PRKCE: variants seen among roughly 807,000 people sequenced by gnomAD.
PRKCE encodes the protein protein kinase C epsilon.
PRKCE carries 16 observed loss-of-function variants against 85.4 expected under a neutral mutation model. That is an observed-to-expected ratio of 0.19 (90% CI 0.13 to 0.28). The LOEUF (loss-of-function observed/expected upper bound fraction) is 0.28, where lower values mean the gene tolerates loss of function less well. Ranked by LOEUF, PRKCE falls within the 10% of genes least tolerant of loss-of-function variation. PRKCE has a pLI of 1.00. For synonymous variants in PRKCE, 388 were observed against 371.5 expected, an observed-to-expected ratio of 1.04 and a Z score of -0.51; for missense variants, 573 against 975.2, an observed-to-expected ratio of 0.59 and a Z score of 5.49.
chr2:46,061,211 G>A (rs1397274788), intron 10 of PRKCE, among the ~76,000 whole-genome samples: 1 of 149,968 alleles, frequency 6.7e-6, no homozygotes, highest in Non-Finnish European at 1.5e-5. Flanking sequence ...CCAGGCTCAG[G>A]TGATTCACCC....
At chr2:45,830,152 G>T (rs1425880344) in intron 1 of PRKCE, among the ~76,000 whole-genome samples, 2 of 151,564 alleles carry the variant, frequency 1.3e-5, no homozygotes, top group East Asian at 3.9e-4. Context: ...AACTAGCAAA[G>T]CATTGTGGGT....
intron 1 of PRKCE, among the ~76,000 whole-genome samples, chr2:45,741,129 G>A (rs912495110): frequency 1.3e-5 from 2 of 152,168 alleles, no homozygotes; most frequent in Non-Finnish European, 2.9e-5. Flanking sequence ...CTGGCTTCGG[G>A]GATCCCAAAT....
intron 11 of PRKCE, among the ~76,000 whole-genome samples, chr2:46,126,558 G>C (rs1379768292): frequency 1.3e-5 from 2 of 152,174 alleles, no homozygotes; most frequent in African/African-American, 4.8e-5. Flanking sequence ...AAGCCTGAAA[G>C]TGAACACTTA....
chr2:45,790,266 C>G (rs932905034), intron 1 of PRKCE, among the ~76,000 whole-genome samples: 9 of 152,180 alleles, frequency 5.9e-5, no homozygotes, highest in African/African-American at 2.2e-4. Context: ...ACCAAATCCT[C>G]CAGTGTTGTA....
chr2:46,148,930 T>C (rs1282142998), intron 12 of PRKCE, among the ~76,000 whole-genome samples: 1 of 152,182 alleles, frequency 6.6e-6, no homozygotes, highest in Non-Finnish European at 1.5e-5. Flanking sequence ...GCTTTGACCT[T>C]ACAGCTCAAG....
rs558847137 is a variant in PRKCE, at chr2:45,652,737, G to A, written c.348+289G>A. The stretch of plus-strand genomic sequence containing the variant: ...AACTGGGAGAGCCTGGGCCACTGGT[G>A]CTGAAGGTTGGCCGAGGACCCGGCT... On this transcript the variant is annotated intron_variant, in intron 1 of 14. Transcript: ENST00000306156. The surrounding 1 kb of genome is among the most constrained non-coding windows in gnomAD (Gnocchi z 7.7). 2.6e-4 allele frequency among the ~76,000 whole-genome samples: 40 copies of A among 152,310 alleles called. No homozygotes were observed. The highest frequency in any genetic ancestry group is 8.7e-4 in the African/African-American group (36 of 41,570).
intron 2 of PRKCE, among the ~76,000 whole-genome samples, chr2:45,931,099 A>G (rs924939560): frequency 2.6e-5 from 4 of 152,232 alleles, no homozygotes; most frequent in Non-Finnish European, 4.4e-5. Flanking sequence ...TGACTTGCCC[A>G]GGATCCATCA....
intron 1 of PRKCE, among the ~76,000 whole-genome samples, chr2:45,799,802 G>A (rs150060005): frequency 5.4e-4 from 82 of 152,316 alleles, no homozygotes; most frequent in Non-Finnish European, 8.8e-4. Flanking sequence ...TTGCTGAGAT[G>A]ATGTCAGAAG....
chr2:45,730,604 T>A (rs2104543589), intron 1 of PRKCE, among the ~76,000 whole-genome samples: 1 of 151,562 alleles, frequency 6.6e-6, no homozygotes, highest in East Asian at 2.0e-4. Flanking sequence ...GGATTACAGG[T>A]GTGCACCACC....
chr2:45,729,925 C>G, intron 1 of PRKCE, among the ~76,000 whole-genome samples: 1 of 152,174 alleles, frequency 6.6e-6, no homozygotes, highest in East Asian at 1.9e-4. Flanking sequence ...AACAGATCAG[C>G]ATGGAGGAGA....
intron 7 of PRKCE, chr2:46,003,855 T>C (rs1255717081): frequency 6.6e-6 from 1 of 152,480 alleles, no homozygotes; most frequent in African/African-American, 2.4e-5. Context: ...GCTTTCAGAA[T>C]ATCAATTCAG....
chr2:45,777,755 C>T (rs1685863658), intron 1 of PRKCE, among the ~76,000 whole-genome samples: 1 of 152,180 alleles, frequency 6.6e-6, no homozygotes. Context: ...ACAGCCCCCA[C>T]ACTCCTAATC....
At chr2:45,910,910 G>A (rs751092175) in intron 2 of PRKCE, among the ~76,000 whole-genome samples, 8 of 152,202 alleles carry the variant, frequency 5.3e-5, no homozygotes, top group Admixed American at 1.3e-4. Context: ...CAAGCAGAGC[G>A]TGCCGTGGCA....
At chr2:45,716,232 T>G (rs980721279) in intron 1 of PRKCE, among the ~76,000 whole-genome samples, 9 of 152,200 alleles carry the variant, frequency 5.9e-5, no homozygotes, top group African/African-American at 2.2e-4. Context: ...AGAACTGCCC[T>G]GGGGCCAGGT....
intron 2 of PRKCE, among the ~76,000 whole-genome samples, chr2:45,853,160 C>T (rs1251702783): frequency 2.6e-5 from 4 of 152,176 alleles, no homozygotes; most frequent in African/African-American, 9.7e-5. Flanking sequence ...TCTTCTCCCT[C>T]CCCATTCTCC....
rs1285020224 is a variant in PRKCE at position 45,763,554 on chromosome 2, G to C, written c.349-79446G>C. ...TCTCCAAAGGACCTCAGCCCTCATT[G>C]ATTTTCCCTCTTCTAGGACAGTTTT... On this transcript the variant is annotated intron_variant, in intron 1 of 14. Coordinates refer to ENST00000306156, the MANE Select transcript of PRKCE (RefSeq NM_005400.3). 2.0e-5 allele frequency among the ~76,000 whole-genome samples: 3 copies of C among 151,254 alleles called. No individual in the cohort carries two copies. In the East Asian group the frequency reaches 5.8e-4, roughly 29 times the overall value.
rs140332654 is a variant in PRKCE at position 46,123,741 on chromosome 2, C to G, written c.1593-21352C>G. 5.3e-3 allele frequency among the ~76,000 whole-genome samples: 809 copies of G among 152,330 alleles called. 2 individuals are homozygous for G. The highest frequency in any genetic ancestry group is 8.0e-3 in the Non-Finnish European group (545 of 68,028). On this transcript the variant is annotated intron_variant, in intron 11 of 14. Transcript: ENST00000306156. Reference sequence around the variant, plus strand: ...CCTCCAGTGACCGACCTGCCTCAGCCTCCCAAAGTGCTGGGATTATAGGCA... The same window carrying G: ...CCTCCAGTGACCGACCTGCCTCAGCGTCCCAAAGTGCTGGGATTATAGGCA...
intron 1 of PRKCE, among the ~76,000 whole-genome samples, chr2:45,796,865 G>A (rs556206534): frequency 3.3e-5 from 5 of 152,122 alleles, no homozygotes; most frequent in East Asian, 3.9e-4. Flanking sequence ...TGATCCTCGC[G>A]CCTCAGCGTC....
chr2:46,108,906 T>A (rs1446625939), intron 11 of PRKCE, among the ~76,000 whole-genome samples: 1 of 152,192 alleles, frequency 6.6e-6, no homozygotes, highest in East Asian at 1.9e-4. Flanking sequence ...AGGTTCTTTT[T>A]TTTTTCAATA....
Sources: allele counts gnomAD v4.1 joint callset (sites outside exome capture counted in the v4.1 genomes callset), GRCh38; gene constraint gnomAD v4.1.1; non-coding constraint Gnocchi (gnomAD v3.1); transcripts MANE v1.5; gene names NCBI Gene and HGNC (gene_info 2026-07-23, HGNC 2026-07-21).